Variants in CEP135 observed in about 807,000 individuals in gnomAD.
CEP135 encodes the protein centrosomal protein of 135 kDa.
In CEP135, 142 loss-of-function variants were observed where a neutral mutation model predicts 157.3. The ratio of observed to expected loss-of-function variants is 0.90; its 90% CI spans 0.79 to 1.04. The LOEUF (loss-of-function observed/expected upper bound fraction) is 1.04. Ranked by LOEUF, CEP135 falls within the 50% of genes least tolerant of loss-of-function variation. The pLI, the probability that CEP135 is intolerant of heterozygous loss-of-function variation, is 0.00. For synonymous variants in CEP135, 396 were observed against 439.8 expected, an observed-to-expected ratio of 0.90 and a Z score of 1.25; for missense variants, 1,317 against 1,309.2, an observed-to-expected ratio of 1.01 and a Z score of -0.09.
At chr4:55,988,613 T>C (rs1362417295) in intron 14 of CEP135, among the ~76,000 whole-genome samples, 2 of 147,658 alleles carry the variant, frequency 1.4e-5, no homozygotes, top group Non-Finnish European at 3.0e-5. Context: ...TGAACTGAGA[T>C]CATGCCACTG....
At chr4:55,976,925 T>C (rs1358736561) in intron 11 of CEP135, among the ~76,000 whole-genome samples, 2 of 152,172 alleles carry the variant, frequency 1.3e-5, no homozygotes, top group African/African-American at 4.8e-5. Flanking sequence ...TTTTCACACC[T>C]TAGCGTACTG....
intron 3 of CEP135, 133 bp downstream of exon 3, chr4:55,953,408 A>G (rs895549829): frequency 1.6e-6 from 1 of 613,432 alleles, no homozygotes. Context: ...GTGTGTGCCT[A>G]TAGTCCCAGC....
rs569771865 is a variant in CEP135 at position 55,965,754 on chromosome 4, A to G, written c.939A>G (p.Glu313=). 1 of 1,613,984 alleles carries G rather than the reference A, an allele frequency of 6.2e-7. No individual in the cohort carries two copies. Among genetic ancestry groups the G allele is most frequent in the Non-Finnish European group, 8.5e-7 (1 of 1,179,918 alleles). ...SEVVNLSNKN[E]KLCQELTEID... ...TCGTTAATTTAAGTAACAAAAATGA[A>G]AAACTCTGCCAAGAATTAACTGAAA... Residue 313 remains glutamate, a synonymous_variant, in exon 8 of 26, where the codon GAA becomes GAG. Coordinates refer to ENST00000257287, the MANE Select transcript of CEP135 (RefSeq NM_025009.5).
At chr4:56,010,495 A>G (rs577108501) in intron 19 of CEP135, among the ~76,000 whole-genome samples, 2 of 152,288 alleles carry the variant, frequency 1.3e-5, no homozygotes, top group African/African-American at 4.8e-5. Flanking sequence ...CTTTGTTGCA[A>G]GGAAACCTAA....
At chr4:56,001,138 T>C (rs1269384505) in intron 17 of CEP135, among the ~76,000 whole-genome samples, 2 of 152,160 alleles carry the variant, frequency 1.3e-5, no homozygotes, top group Non-Finnish European at 2.9e-5. Flanking sequence ...TTGGGCTCCT[T>C]GTATGTTCTG....
intron 8 of CEP135, 91 bp from the exon 9 acceptor site, chr4:55,968,972 G>T: frequency 1.1e-6 from 1 of 900,974 alleles, no homozygotes; most frequent in East Asian, 2.8e-5. Flanking sequence ...GAGGGAACGT[G>T]AAGTAATTGC....
At chr4:55,997,465 C>G (rs143127131) in intron 15 of CEP135, among the ~76,000 whole-genome samples, 2 of 152,290 alleles carry the variant, frequency 1.3e-5, no homozygotes, top group East Asian at 3.9e-4. Context: ...GAATTTCAAG[C>G]ACTGCCAACT....
chr4:56,011,860 T>G lies in CEP135; in HGVS notation c.2677T>G (p.Trp893Gly), dbSNP rs1215317216. The G allele has an allele frequency of 1.2e-6, 2 of 1,606,484 alleles. No individual in the cohort carries two copies. The highest frequency in any genetic ancestry group is 1.3e-5 in the African/African-American group (1 of 74,388). The change falls in exon 21 of 26, where the codon TGG (tryptophan) becomes GGG (glycine). Residue 893 changes from tryptophan (W) to glycine (G), a missense_variant. Transcript: ENST00000257287. ...GATGCTTCATAACCGTGCTGAAGAC[T>G]GGGAGGTCAAAGCCCATCAAGCTGA... ...FQMLHNRAED[W>G]EVKAHQAEGE...
intron 17 of CEP135, among the ~76,000 whole-genome samples, chr4:56,004,180 A>G (rs1730272228): frequency 6.6e-6 from 1 of 152,082 alleles, no homozygotes; most frequent in Non-Finnish European, 1.5e-5. Flanking sequence ...TGGTCATTCG[A>G]GAGCAACTGT....
At chr4:56,020,463 G>A (rs1730935947) in intron 23 of CEP135, among the ~76,000 whole-genome samples, 1 of 152,122 alleles carries the variant, frequency 6.6e-6, no homozygotes, top group African/African-American at 2.4e-5. Flanking sequence ...TGTATCCCTA[G>A]CATTGCTTTA....
In CEP135 at chr4:55,953,086, G is replaced by A. The variant is rs746758834; in HGVS notation, c.115G>A (p.Asp39Asn). 1.7e-5 allele frequency: 26 copies of A among 1,553,272 alleles called. No individual in the cohort carries two copies. Among genetic ancestry groups the A allele is most frequent in the Admixed American group, 4.5e-5 (2 of 44,156 alleles). ...CLPLVEKLFS[D>N]LVHTTESLRQ... ...TATTTAAATTTTCTGTTCTTTTAGC[G>A]ACTTAGTTCATACAACTGAGAGCCT... Residue 39 changes from aspartate (D) to asparagine (N), a missense_variant and splice_region_variant, in exon 3 of 26, where the codon GAC becomes AAC. Physicochemically the swap from Asp to Asn is conservative, Grantham distance 23. Transcript: ENST00000257287.
intron 18 of CEP135, 72 bp from the exon 19 acceptor site, chr4:56,009,663 A>AT: frequency 7.4e-7 from 1 of 1,347,578 alleles, no homozygotes; most frequent in Admixed American, 2.3e-5. Context: ...TACTTAGACT[A>AT]TAAGTTTTCT....
intron 21 of CEP135, among the ~76,000 whole-genome samples, chr4:56,013,030 A>G (rs1334659555): frequency 6.6e-6 from 1 of 152,180 alleles, no homozygotes. Context: ...CGAGGGTTCC[A>G]GTTGCTCCAT....
chr4:55,974,391 G>A (rs1214465931), intron 10 of CEP135, among the ~76,000 whole-genome samples: 2 of 152,130 alleles, frequency 1.3e-5, no homozygotes, highest in African/African-American at 4.8e-5. Context: ...GTTTGTGCAT[G>A]TTATGATTGT....
chr4:55,991,592 T>C (rs564471187), intron 14 of CEP135, among the ~76,000 whole-genome samples: 3 of 152,296 alleles, frequency 2.0e-5, no homozygotes, highest in African/African-American at 7.2e-5. Flanking sequence ...TGCTGTGTTT[T>C]TTTCCCCTCA....
rs375456669 is a variant in CEP135 at position 55,981,389 on chromosome 4, T to G, written c.1779+10T>G. ...AAGAGAAAAATTAGAGGTAAGAAGA[T>G]TGACATGTTTTTGAAAGGTAATTTG... On this transcript the variant is annotated intron_variant, in intron 13 of 25. Coordinates refer to ENST00000257287, the MANE Select transcript of CEP135 (RefSeq NM_025009.5). 1 of 1,560,128 alleles carries G rather than the reference T, an allele frequency of 6.4e-7. No individual in the cohort carries two copies. The highest frequency in any genetic ancestry group is 8.6e-7 in the Non-Finnish European group (1 of 1,162,224).
intron 23 of CEP135, among the ~76,000 whole-genome samples, chr4:56,019,996 C>T (rs41326146): frequency 0.093 from 14,171 of 152,084 alleles, 736 homozygotes; most frequent in South Asian, 0.14. Flanking sequence ...GAGACTGACT[C>T]GGGAGAAACA....
chr4:56,021,769 A>G lies in CEP135; in HGVS notation c.3320+989A>G, dbSNP rs1730979916. ...GCCTGGCTTGGTGGCTCATGCCTGC[A>G]ATCCCAGCACTTTGGGAGGCCAAGG... On this transcript the variant is annotated intron_variant, in intron 24 of 25. Coordinates refer to ENST00000257287, the MANE Select transcript of CEP135 (RefSeq NM_025009.5). 2.0e-5 allele frequency among the ~76,000 whole-genome samples: 3 copies of G among 152,358 alleles called. No homozygotes were observed. The South Asian group carries it at 6.2e-4, about 32-fold the overall frequency.
intron 25 of CEP135, among the ~76,000 whole-genome samples, chr4:56,030,832 C>CA (rs1199145170): frequency 1.3e-5 from 2 of 152,082 alleles, no homozygotes; most frequent in Non-Finnish European, 2.9e-5. Flanking sequence ...AATAAGGAAA[C>CA]AAAAATCACT....
Sources: allele counts gnomAD v4.1 joint callset (sites outside exome capture counted in the v4.1 genomes callset), GRCh38; gene constraint gnomAD v4.1.1; transcripts MANE v1.5; gene names NCBI Gene and HGNC (gene_info 2026-07-23, HGNC 2026-07-21).